NSUN3: variants seen among roughly 807,000 people sequenced by gnomAD.
NSUN3 encodes the protein NOP2/Sun RNA methyltransferase 3.
Under a neutral mutation model 36.8 loss-of-function variants are expected in NSUN3, and 24 were observed. The observed-to-expected ratio is 0.65, with a 90% CI of 0.47 to 0.92. NSUN3 has a LOEUF of 0.92. Ranked by LOEUF, NSUN3 falls within the 40% of genes least tolerant of loss-of-function variation. The probability of loss-of-function intolerance (pLI) is 0.00; values close to 1 mark genes in which losing one functional copy is unlikely to be tolerated. For missense variants in NSUN3, 381 were observed against 392.8 expected, an observed-to-expected ratio of 0.97 and a Z score of 0.25; for synonymous variants, 146 against 145.2, an observed-to-expected ratio of 1.01 and a Z score of -0.04.
At chr3:94,075,866 GA>G in intron 2 of NSUN3, 4 of 1,186,766 alleles carry the variant, frequency 3.4e-6, no homozygotes, top group East Asian at 2.5e-5. Context: ...GGGTTGAGAA[GA>G]AAAAAAGGGG....
rs142297215 is a variant in NSUN3, at chr3:94,129,902, G to A, written c.*3412G>A. ...CAAGTAACTGAGATCACAGGCACCC[G>A]CCACCATGCTTGGCTAATTTTTTTT... is the stretch of plus-strand genomic sequence containing the variant. On this transcript the variant is annotated 3_prime_UTR_variant, in exon 6 of 6. Coordinates refer to ENST00000314622, the MANE Select transcript of NSUN3 (RefSeq NM_022072.5). Among the ~76,000 whole-genome samples the A allele has an allele frequency of 4.0e-5, 6 of 151,610 alleles. No individual in the cohort carries two copies. The highest frequency in any genetic ancestry group is 1.2e-4 in the African/African-American group (5 of 41,356).
At chr3:94,122,841 G>C (rs1485496175) in intron 5 of NSUN3, among the ~76,000 whole-genome samples, 1 of 151,982 alleles carries the variant, frequency 6.6e-6, no homozygotes, top group Non-Finnish European at 1.5e-5. Flanking sequence ...TTCTTTCTGA[G>C]ACCTTAAAAT....
chr3:94,075,017 G>A (rs2077240583), intron 2 of NSUN3, among the ~76,000 whole-genome samples: 1 of 151,918 alleles, frequency 6.6e-6, no homozygotes. Context: ...AGCATAAAGG[G>A]GTGTTGAAAT....
intron 5 of NSUN3, among the ~76,000 whole-genome samples, chr3:94,103,561 TGTAGA>T (rs1311562407): frequency 1.3e-5 from 2 of 151,800 alleles, no homozygotes; most frequent in South Asian, 2.1e-4. Flanking sequence ...ATATATACTA[TGTAGA>T]GTAATTTATT....
chr3:94,117,205 G>A (rs1211601562), intron 5 of NSUN3, among the ~76,000 whole-genome samples: 3 of 151,730 alleles, frequency 2.0e-5, no homozygotes, highest in African/African-American at 4.8e-5. Flanking sequence ...TCACCATGTT[G>A]GCCAGGCTGG....
chr3:94,125,211 A>G (rs1381493826), intron 5 of NSUN3, among the ~76,000 whole-genome samples: 1 of 152,004 alleles, frequency 6.6e-6, no homozygotes, highest in Non-Finnish European at 1.5e-5. Context: ...TTCCTGTGTC[A>G]TTATTGTTTA....
chr3:94,117,720 T>G (rs1306229966), intron 5 of NSUN3, among the ~76,000 whole-genome samples: 1 of 152,186 alleles, frequency 6.6e-6, no homozygotes, highest in African/African-American at 2.4e-5. Flanking sequence ...ATATTTTTTC[T>G]TTTTTTCTTA....
chr3:94,119,918 T>C (rs1350986002), intron 5 of NSUN3, among the ~76,000 whole-genome samples: 2 of 152,278 alleles, frequency 1.3e-5, no homozygotes, highest in African/African-American at 4.8e-5. Flanking sequence ...ATTTAGAAAT[T>C]AATGTGGGCA....
intron 2 of NSUN3, among the ~76,000 whole-genome samples, chr3:94,082,459 C>T (rs1035504022): frequency 7.2e-5 from 11 of 152,116 alleles, no homozygotes; most frequent in Non-Finnish European, 4.4e-5. Context: ...GAAACAGATA[C>T]GCCAGGCTCC....
intron 2 of NSUN3, chr3:94,077,258 G>T (rs913262819): frequency 3.4e-6 from 2 of 588,684 alleles, no homozygotes; most frequent in African/African-American, 3.7e-5. Flanking sequence ...ATTTGCATAT[G>T]TTGAACCAGT....
chr3:94,101,073 C>T (rs945043234), intron 5 of NSUN3, among the ~76,000 whole-genome samples: 6 of 152,050 alleles, frequency 3.9e-5, no homozygotes, highest in Non-Finnish European at 8.8e-5. Flanking sequence ...CTCACTGCAG[C>T]CTCAATCTCC....
At chr3:94,115,876 A>G (rs558902095) in intron 5 of NSUN3, among the ~76,000 whole-genome samples, 1 of 152,346 alleles carries the variant, frequency 6.6e-6, no homozygotes, top group Admixed American at 6.5e-5. Flanking sequence ...TAAAAATAAC[A>G]TTCTGTGTTT....
rs181972865 is a variant in NSUN3 at position 94,076,501 on chromosome 3, A to G, written c.123-7606A>G. 1.1e-5 allele frequency: 9 copies of G among 786,902 alleles called. No individual in the cohort carries two copies. In the East Asian group the frequency reaches 1.9e-4, roughly 17 times the overall value. 48.7% of individuals were successfully genotyped at this position (786,902 alleles called of 1,614,324 possible). A position where few individuals can be genotyped will look rare whatever the true frequency, so the allele number is the denominator to read the frequency against. The stretch of plus-strand genomic sequence containing the variant: ...AGGAAACATCTTCTACTACTACTGT[A>G]TGCCCTGTAAAGATGGTCTTTGCAT... On this transcript the variant is annotated intron_variant, in intron 2 of 5. Coordinates refer to ENST00000314622, the MANE Select transcript of NSUN3 (RefSeq NM_022072.5).
chr3:94,073,370 A>G (rs570449006), intron 2 of NSUN3, among the ~76,000 whole-genome samples: 81 of 152,188 alleles, frequency 5.3e-4, no homozygotes, highest in Non-Finnish European at 9.6e-4. Flanking sequence ...TCCTTGACCA[A>G]TCGCCACACT....
At chr3:94,073,807 G>T (rs2107238500) in intron 2 of NSUN3, among the ~76,000 whole-genome samples, 1 of 152,286 alleles carries the variant, frequency 6.6e-6, no homozygotes, top group East Asian at 1.9e-4. Flanking sequence ...CGTTTAATTA[G>T]ATCCCATTTG....
At chr3:94,120,725 T>C (rs1004164683) in intron 5 of NSUN3, among the ~76,000 whole-genome samples, 4 of 152,196 alleles carry the variant, frequency 2.6e-5, no homozygotes, top group African/African-American at 4.8e-5. Context: ...TGAATAATGC[T>C]ACTATGAACA....
chr3:94,118,219 A>C (rs2077448165), intron 5 of NSUN3, among the ~76,000 whole-genome samples: 1 of 152,216 alleles, frequency 6.6e-6, no homozygotes, highest in South Asian at 2.1e-4. Flanking sequence ...CAGATTATCT[A>C]CAATTATGAT....
intron 2 of NSUN3, among the ~76,000 whole-genome samples, chr3:94,078,190 A>G (rs993961975): frequency 6.6e-6 from 1 of 151,944 alleles, no homozygotes; most frequent in Admixed American, 6.6e-5. Flanking sequence ...CCTGCATTTC[A>G]TTATTTACCC....
At chr3:94,113,819 A>G (rs1435714951) in intron 5 of NSUN3, among the ~76,000 whole-genome samples, 1 of 152,244 alleles carries the variant, frequency 6.6e-6, no homozygotes, top group Non-Finnish European at 1.5e-5. Context: ...CTACCAAGTT[A>G]TTCCAAATTA....
Sources: gnomAD v4.1 joint callset for allele counts (sites outside exome capture counted in the v4.1 genomes callset) on GRCh38, gnomAD v4.1.1 for gene constraint, MANE v1.5 for transcripts, NCBI Gene and HGNC (gene_info 2026-07-23, HGNC 2026-07-21) for gene names.